Variants in ANO3 observed in about 807,000 individuals in gnomAD.
The protein encoded by ANO3 is anoctamin 3.
ANO3 carries 99 observed loss-of-function variants against 144.8 expected under a neutral mutation model. The observed-to-expected ratio is 0.68, with a 90% CI of 0.58 to 0.81. The LOEUF (loss-of-function observed/expected upper bound fraction) is 0.81. Ranked by LOEUF, ANO3 falls within the 30% of genes least tolerant of loss-of-function variation. The pLI, the probability that ANO3 is intolerant of heterozygous loss-of-function variation, is 0.00. For missense variants in ANO3, 905 were observed against 1,202.2 expected (o/e 0.75, Z 3.66); for synonymous variants, 414 against 392.6 (o/e 1.05, Z -0.64).
chr11:26,553,241 T>TTTA lies in ANO3; in HGVS notation c.1290-7_1290-6insTAT. 29 of 1,549,006 alleles carry TTTA rather than the reference T, an allele frequency of 1.9e-5. No homozygotes were observed. The highest frequency in any genetic ancestry group is 2.7e-5 in the African/African-American group (2 of 73,284). ...TTTGTTTTGTTTTTGTTTTTGTTTT[T>TTTA]TCTCAAGCCAAGAAATTTGTAAAGC... On this transcript the variant is annotated splice_polypyrimidine_tract_variant and splice_region_variant and intron_variant, in intron 12 of 26. Transcript: ENST00000256737.
At chr11:26,572,024 A>G (rs1850848539) in intron 14 of ANO3, 2 of 922,490 alleles carry the variant, frequency 2.2e-6, no homozygotes, top group Non-Finnish European at 2.6e-6. Flanking sequence ...GACCTAAGTG[A>G]CCCAACGCAC....
chr11:26,634,213 G>A lies in ANO3; in HGVS notation c.1883G>A (p.Arg628Gln), dbSNP rs760680753. ...AYLLTNLEYP[R>Q]TESEWENSFA... is the part of the protein sequence containing the mutation. ...CCTGTGTTCCTTTTAGAATATCCTCGAACAGAATCAGAGTGGGAAAACAGC... is the reference window on the plus strand; with the variant it reads ...CCTGTGTTCCTTTTAGAATATCCTCAAACAGAATCAGAGTGGGAAAACAGC... The change falls in exon 19 of 27, where the codon CGA becomes CAA. Residue 628 changes from arginine (R) to glutamine (Q), a missense_variant. Physicochemically the swap from Arg to Gln is conservative, Grantham distance 43 (BLOSUM62 1). This residue lies in a region of ANO3 where 597 missense variants were observed against 865.1 expected (regional missense o/e 0.69). Coordinates refer to ENST00000256737, the MANE Select transcript of ANO3 (RefSeq NM_031418.4). The A allele has an allele frequency of 8.7e-6, 14 of 1,612,202 alleles. No homozygotes were observed. Among genetic ancestry groups the A allele is most frequent in the East Asian group, 2.2e-5 (1 of 44,864 alleles).
At chr11:26,455,849 C>G (rs1028191767) in intron 3 of ANO3, among the ~76,000 whole-genome samples, 2 of 151,584 alleles carry the variant, frequency 1.3e-5, no homozygotes, top group South Asian at 2.1e-4. Flanking sequence ...GTAACCAAAA[C>G]AGCATGGTAC....
intron 1 of ANO3, among the ~76,000 whole-genome samples, chr11:26,202,848 G>T (rs549855920): frequency 3.3e-5 from 5 of 151,940 alleles, no homozygotes; most frequent in Admixed American, 1.3e-4. Flanking sequence ...ATTATCTTAG[G>T]CTAACTCCCT....
intron 1 of ANO3, among the ~76,000 whole-genome samples, chr11:26,238,328 TAGTATTTTACTTAGTGTG>T (rs1472116388): frequency 6.6e-6 from 1 of 152,148 alleles, no homozygotes; most frequent in Non-Finnish European, 1.5e-5. Flanking sequence ...ACTGGACAAC[TAGTATTTTACTTAGTGTG>T]ACATACACTT....
chr11:26,384,087 C>T (rs1200120373), intron 1 of ANO3, among the ~76,000 whole-genome samples: 1 of 151,522 alleles, frequency 6.6e-6, no homozygotes, highest in Non-Finnish European at 1.5e-5. Context: ...TTAGTAAAGA[C>T]TAAAAATGTT....
intron 12 of ANO3, among the ~76,000 whole-genome samples, chr11:26,551,209 A>AT (rs1467348543): frequency 6.6e-6 from 1 of 151,950 alleles, no homozygotes; most frequent in Non-Finnish European, 1.5e-5. Context: ...CATATAGAAA[A>AT]TTTATCGCTA....
intron 9 of ANO3, 130 bp downstream of exon 9, chr11:26,534,692 C>A (rs1483559058): frequency 1.8e-5 from 9 of 494,802 alleles, no homozygotes; most frequent in Non-Finnish European, 3.1e-5. Flanking sequence ...TGAACACACA[C>A]TCTATAAGCA....
chr11:26,192,473 C>T (rs1485294442), intron 1 of ANO3, among the ~76,000 whole-genome samples: 1 of 152,018 alleles, frequency 6.6e-6, no homozygotes, highest in African/African-American at 2.4e-5. Context: ...GAAGGTTAGT[C>T]CATAGAAATT....
intron 6 of ANO3, among the ~76,000 whole-genome samples, chr11:26,524,446 C>G (rs1190143372): frequency 2.6e-5 from 4 of 152,208 alleles, no homozygotes; most frequent in Middle Eastern, 3.4e-3. Context: ...CAAAAGTTTT[C>G]AAGTTTTCTA....
chr11:26,438,620 A>G (rs1858391413), intron 1 of ANO3, among the ~76,000 whole-genome samples: 1 of 149,488 alleles, frequency 6.7e-6, no homozygotes, highest in Admixed American at 6.7e-5. Flanking sequence ...AAAAAAAAAA[A>G]AAAAGAAAAT....
chr11:26,267,809 A>C (rs990445852), intron 1 of ANO3, among the ~76,000 whole-genome samples: 1 of 152,106 alleles, frequency 6.6e-6, no homozygotes, highest in African/African-American at 2.4e-5. Flanking sequence ...ACTGGAGAAA[A>C]GTCCTGAGAT....
At chr11:26,214,409 T>G (rs1379858066) in intron 1 of ANO3, among the ~76,000 whole-genome samples, 1 of 152,014 alleles carries the variant, frequency 6.6e-6, no homozygotes, top group East Asian at 1.9e-4. Context: ...AGGGTTGGAT[T>G]TTAGCAAAAA....
chr11:26,518,050 C>A (rs1424137569), intron 6 of ANO3, among the ~76,000 whole-genome samples: 2 of 151,698 alleles, frequency 1.3e-5, no homozygotes, highest in Admixed American at 1.3e-4. Context: ...GCAAATAGTT[C>A]CTCAAGGATC....
chr11:26,654,708 G>T (rs1282208101), intron 24 of ANO3, among the ~76,000 whole-genome samples: 5 of 152,030 alleles, frequency 3.3e-5, no homozygotes, highest in Non-Finnish European at 4.4e-5. Context: ...GCATTTCACT[G>T]TTAAATATGA....
chr11:26,560,950 TCTC>T, intron 14 of ANO3: 1 of 1,003,610 alleles, frequency 1.0e-6, no homozygotes, highest in South Asian at 1.6e-5. Context: ...CTTTTATGAT[TCTC>T]CTTGACAAAA....
rs574091057 is a variant in ANO3 at position 26,558,379 on chromosome 11, C to T, written c.1387-1340C>T. Among the ~76,000 whole-genome samples the T allele has an allele frequency of 1.5e-4, 23 of 152,122 alleles. No homozygotes were observed. In the East Asian group the frequency reaches 4.1e-3, roughly 27 times the overall value. The stretch of plus-strand genomic sequence containing the variant: ...ATGTTGGTTTACAAAGGAAAACAGA[C>T]AGCTGTTCAGCTGTTCAGCAGCCTC... On this transcript the variant is annotated intron_variant, in intron 13 of 26. Transcript: ENST00000256737.
intron 24 of ANO3, among the ~76,000 whole-genome samples, chr11:26,654,897 G>A (rs576893228): frequency 2.2e-4 from 34 of 152,196 alleles, no homozygotes; most frequent in African/African-American, 7.0e-4. Context: ...TCCACTGAGC[G>A]ATTTTATATG....
chr11:26,625,101 A>AGAGACGGGGTT (rs1852539576), intron 18 of ANO3, among the ~76,000 whole-genome samples: 12 of 151,942 alleles, frequency 7.9e-5, no homozygotes, highest in Admixed American at 6.5e-4. Context: ...CATTTTTTGT[A>AGAGACGGGGTT]TTTTTAGTAG....
Sources: gnomAD v4.1 joint callset for allele counts (sites outside exome capture counted in the v4.1 genomes callset) on GRCh38, gnomAD v4.1.1 for gene constraint, gnomAD v4.1.1 regional missense constraint, MANE v1.5 for transcripts, NCBI Gene and HGNC (gene_info 2026-07-23, HGNC 2026-07-21) for gene names.